Variants in MYO16 observed in about 807,000 individuals in gnomAD.
MYO16 encodes myosin XVI, also known as unconventional myosin-XVI.
MYO16 carries 94 observed loss-of-function variants against 205.3 expected under a neutral mutation model. The ratio of observed to expected loss-of-function variants is 0.46; its 90% CI spans 0.39 to 0.54. The LOEUF is 0.54. MYO16 is among the 20% of genes least tolerant of loss of function. The pLI is 0.00. For missense variants in MYO16, 2,315 were observed against 2,387.5 expected (o/e 0.97, Z 0.63); for synonymous variants, 988 against 954.0 (o/e 1.04, Z -0.66).
intron 20 of MYO16, among the ~76,000 whole-genome samples, chr13:108,969,562 A>G (rs987122463): frequency 2.0e-5 from 3 of 152,182 alleles, no homozygotes; most frequent in Non-Finnish European, 4.4e-5. Context: ...GATAACAGCC[A>G]TTCTCCCCAA....
At chr13:108,991,057 G>A (rs1884811666) in intron 20 of MYO16, among the ~76,000 whole-genome samples, 1 of 152,198 alleles carries the variant, frequency 6.6e-6, no homozygotes, top group Non-Finnish European at 1.5e-5. Flanking sequence ...CCCATTGGCA[G>A]AAAATTACGA....
chr13:108,753,607 G>T (rs1885324437), intron 4 of MYO16, among the ~76,000 whole-genome samples: 1 of 152,008 alleles, frequency 6.6e-6, no homozygotes, highest in African/African-American at 2.4e-5. Flanking sequence ...TTTGACCTAG[G>T]TATTAATTAA....
At chr13:108,905,233 C>G (rs1880908843) in intron 15 of MYO16, among the ~76,000 whole-genome samples, 1 of 152,124 alleles carries the variant, frequency 6.6e-6, no homozygotes, top group African/African-American at 2.4e-5. Flanking sequence ...TCTCTTTACC[C>G]TGTTATAAAA....
chr13:108,820,544 C>A, intron 8 of MYO16, 132 bp downstream of exon 8: 1 of 696,704 alleles, frequency 1.4e-6, no homozygotes, highest in Non-Finnish European at 2.5e-6. Context: ...AACAACCAGC[C>A]CAGTTCAAGC....
intron 1 of MYO16, among the ~76,000 whole-genome samples, chr13:108,618,626 A>G (rs1258966742): frequency 3.9e-5 from 6 of 152,218 alleles, no homozygotes; most frequent in Admixed American, 1.3e-4. Flanking sequence ...TGTGCTGGGA[A>G]ATCACTTTAA....
chr13:109,169,470 G>A (rs879593362), intron 33 of MYO16, among the ~76,000 whole-genome samples: 1 of 151,918 alleles, frequency 6.6e-6, no homozygotes, highest in Admixed American at 6.6e-5. Flanking sequence ...TTCTTGCAAG[G>A]GGATAGAGAA....
rs1289456868 is a variant in MYO16, at chr13:108,883,187, G to A, written c.1553+1G>A. ...AGCGGCCTCAGTGTTTCATCCTCAG[G>A]TGAGTCCTCCTCAACCTTGTCTGCC... On this transcript the variant is annotated splice_donor_variant, in intron 13 of 34. Coordinates refer to ENST00000457511, the MANE Select transcript of MYO16 (RefSeq NM_001198950.3). LOFTEE classifies it high-confidence loss of function. The A allele has an allele frequency of 1.2e-6, 2 of 1,613,284 alleles. No homozygotes were observed. The highest frequency in any genetic ancestry group is 1.7e-5 in the Admixed American group (1 of 59,986).
intron 32 of MYO16, among the ~76,000 whole-genome samples, chr13:109,143,301 A>G (rs1374217711): frequency 2.0e-5 from 3 of 152,182 alleles, no homozygotes; most frequent in African/African-American, 7.2e-5. Context: ...TTAAAAATGA[A>G]TGAATAACCT....
At position 108,629,746 on chromosome 13, in the gene MYO16, C is replaced by T; in HGVS notation, c.-99C>T. ...TAGTGCATCCTGAGGTAAACTGTTACCTGAGTAAGGGCTTTAAGTAATGCA... is the reference window on the plus strand; with the variant it reads ...TAGTGCATCCTGAGGTAAACTGTTATCTGAGTAAGGGCTTTAAGTAATGCA... On this transcript the variant is annotated 5_prime_UTR_variant, in exon 1 of 35. Transcript: ENST00000457511. 8.7e-7 allele frequency: 1 copy of T among 1,155,640 alleles called. No individual in the cohort carries two copies. 71.6% of individuals were successfully genotyped at this position (1,155,640 alleles called of 1,614,324 possible).
chr13:108,554,754 G>T, the MYO16 span, among the ~76,000 whole-genome samples: 211 of 151,014 alleles, frequency 1.4e-3, no homozygotes, highest in African/African-American at 4.8e-3. Flanking sequence ...GGAGGCTGAG[G>T]CAGGAGAATG....
intron 28 of MYO16, among the ~76,000 whole-genome samples, chr13:109,111,985 C>T (rs1889301920): frequency 6.6e-6 from 1 of 152,046 alleles, no homozygotes; most frequent in East Asian, 1.9e-4. Flanking sequence ...CATGCCCGGC[C>T]GATTGTAGAC....
chr13:109,033,077 C>T (rs1289334205), intron 23 of MYO16, among the ~76,000 whole-genome samples: 9 of 152,024 alleles, frequency 5.9e-5, no homozygotes, highest in Non-Finnish European at 1.3e-4. Context: ...ACACAATGCC[C>T]CTAAAGGCCC....
intron 2 of MYO16, among the ~76,000 whole-genome samples, chr13:108,704,779 A>G (rs2139528283): frequency 6.6e-6 from 1 of 152,272 alleles, no homozygotes; most frequent in African/African-American, 2.4e-5. Flanking sequence ...AAAAATGAAA[A>G]AAAGTAGTGA....
chr13:108,989,589 G>A (rs1224318987), intron 20 of MYO16, among the ~76,000 whole-genome samples: 2 of 151,938 alleles, frequency 1.3e-5, no homozygotes, highest in African/African-American at 4.8e-5. Flanking sequence ...GTTTCTTTTT[G>A]TAGTTATAGT....
intron 6 of MYO16, 141 bp downstream of exon 6, chr13:108,793,781 A>G (rs1886697516): frequency 1.0e-6 from 1 of 979,652 alleles, no homozygotes; most frequent in Non-Finnish European, 1.4e-6. Context: ...GTTTTGGAAA[A>G]CACCTAAGTA....
chr13:108,502,775 C>T, the MYO16 span, among the ~76,000 whole-genome samples: 1 of 151,998 alleles, frequency 6.6e-6, no homozygotes, highest in Non-Finnish European at 1.5e-5. Context: ...GTTGGAGTCC[C>T]TGGGTTGAAA....
chr13:108,506,599 A>T, the MYO16 span, among the ~76,000 whole-genome samples: 6 of 151,880 alleles, frequency 4.0e-5, no homozygotes, highest in Admixed American at 1.3e-4. Flanking sequence ...CATAGTCCAG[A>T]ATTTTCTACA....
At chr13:109,123,653 A>G (rs544289772) in intron 29 of MYO16, among the ~76,000 whole-genome samples, 1 of 152,296 alleles carries the variant, frequency 6.6e-6, no homozygotes, top group South Asian at 2.1e-4. Context: ...AACTTAATGC[A>G]ACTGCATTCC....
intron 28 of MYO16, among the ~76,000 whole-genome samples, chr13:109,107,696 T>C (rs1196375572): frequency 6.6e-6 from 1 of 151,846 alleles, no homozygotes. Flanking sequence ...TGATTCTTTC[T>C]TCTGTATCCT....
Sources: gnomAD v4.1 joint callset for allele counts (sites outside exome capture counted in the v4.1 genomes callset) on GRCh38, gnomAD v4.1.1 for gene constraint, MANE v1.5 for transcripts, NCBI Gene and HGNC (gene_info 2026-07-23, HGNC 2026-07-21) for gene names.